The following SIAH3 variants were observed in gnomAD, a reference collection of about 807,000 sequenced individuals.
The protein encoded by SIAH3 is siah E3 ubiquitin protein ligase family member 3, also known as seven in absentia homolog 3.
Under a neutral mutation model 12.6 loss-of-function variants are expected in SIAH3, and 9 were observed. That is an observed-to-expected ratio of 0.72 (90% CI 0.43 to 1.25). The LOEUF (loss-of-function observed/expected upper bound fraction) is 1.25. Ranked by LOEUF, SIAH3 falls within the 50% of genes most tolerant of loss-of-function variation. SIAH3 has a pLI of 0.00. For missense variants in SIAH3, 390 were observed against 365.4 expected, an observed-to-expected ratio of 1.07 and a Z score of -0.55; for synonymous variants, 154 against 151.1, an observed-to-expected ratio of 1.02 and a Z score of -0.14.
At chr13:45,838,344 G>A (rs1241276778) in intron 1 of SIAH3, among the ~76,000 whole-genome samples, 6 of 152,246 alleles carry the variant, frequency 3.9e-5, no homozygotes, top group South Asian at 2.1e-4. Context: ...AGAGCAGCGC[G>A]TTTCTGGCAT....
At position 45,779,780 on chromosome 13, in the gene SIAH3, T is replaced by TA. The variant is rs1950496966; in HGVS notation, c.*3602dup. 6.6e-6 allele frequency: 1 copy of TA among 152,270 alleles called. No homozygotes were observed. The highest frequency in any genetic ancestry group is 2.4e-5 in the African/African-American group (1 of 41,462). 9.4% of individuals were successfully genotyped at this position (152,270 alleles called of 1,614,324 possible). On this transcript the variant is annotated 3_prime_UTR_variant, in exon 2 of 2. Transcript: ENST00000400405. ...TGGTAGCCATGAGTACTATTATGGT[T>TA]ACTATGCTGATCTATTCCTAAAATG...
chr13:45,851,450 A>T, intron 1 of SIAH3, 45 bp downstream of exon 1: 1 of 1,611,006 alleles, frequency 6.2e-7, no homozygotes, highest in South Asian at 1.1e-5. Context: ...CCGAGAAAGG[A>T]CTTGAACCTG....
At chr13:45,847,806 A>T (rs1445105078) in intron 1 of SIAH3, among the ~76,000 whole-genome samples, 1 of 152,098 alleles carries the variant, frequency 6.6e-6, no homozygotes, top group Non-Finnish European at 1.5e-5. Context: ...TGTGGTTAAG[A>T]GGAGGAAGTC....
chr13:45,826,409 A>AGTGGCTGGG (rs1458146765), intron 1 of SIAH3, among the ~76,000 whole-genome samples: 4,070 of 86,896 alleles, frequency 0.047, 1,406 homozygotes, highest in Middle Eastern at 0.15. Flanking sequence ...GGATGGATGG[A>AGTGGCTGGG]TGGATGGATG....
chr13:45,813,171 C>T (rs909199311), intron 1 of SIAH3, among the ~76,000 whole-genome samples: 14 of 151,884 alleles, frequency 9.2e-5, no homozygotes, highest in Non-Finnish European at 1.6e-4. Context: ...GTCCCAGACC[C>T]GGTGGGAACA....
rs1950675833 is a variant in SIAH3, at chr13:45,826,394, T to TGGATGGGTGAGTGGCTGGGTGGATGGAG, written c.135+25100_135+25101insCTCCATCCACCCAGCCACTCACCCATCC. On this transcript the variant is annotated intron_variant, in intron 1 of 1. Coordinates refer to ENST00000400405, the MANE Select transcript of SIAH3 (RefSeq NM_198849.3). ...ATGGATGAATGAATGGATGGATGGATGGATGGATGGATGGATGGATGGATG... is the reference window on the plus strand; with the variant it reads ...ATGGATGAATGAATGGATGGATGGATGGATGGGTGAGTGGCTGGGTGGATGGAGGGATGGATGGATGGATGGATGGATG... 2.3e-5 allele frequency among the ~76,000 whole-genome samples: 2 copies of TGGATGGGTGAGTGGCTGGGTGGATGGAG among 87,224 alleles called. 1 individual carries two copies. The highest frequency in any genetic ancestry group is 9.8e-5 in the African/African-American group (2 of 20,460). The allele number at this position is 87,224 out of a possible 152,430, so 57.2% of individuals were successfully genotyped here.
chr13:45,830,933 C>A (rs1388333064), intron 1 of SIAH3, among the ~76,000 whole-genome samples: 2 of 152,136 alleles, frequency 1.3e-5, no homozygotes, highest in Non-Finnish European at 2.9e-5. Context: ...AATCCCAGCA[C>A]TTTGGGAGGC....
chr13:45,820,752 C>T (rs1950652931), intron 1 of SIAH3, among the ~76,000 whole-genome samples: 1 of 152,142 alleles, frequency 6.6e-6, no homozygotes, highest in South Asian at 2.1e-4. Context: ...TTCTCTTTCC[C>T]CTCCTCTCCC....
At chr13:45,837,342 T>G (rs745513229) in intron 1 of SIAH3, among the ~76,000 whole-genome samples, 1 of 152,168 alleles carries the variant, frequency 6.6e-6, no homozygotes, top group Non-Finnish European at 1.5e-5. Flanking sequence ...TTTCCTAATT[T>G]CAAACTCTTT....
chr13:45,828,965 A>G (rs944039589), intron 1 of SIAH3, among the ~76,000 whole-genome samples: 7 of 152,102 alleles, frequency 4.6e-5, no homozygotes, highest in African/African-American at 1.7e-4. Context: ...GAAAAACTGC[A>G]TTTAAAAAAA....
Position 45,783,979 on chromosome 13 carries a change from G to A in SIAH3, c.214C>T (p.His72Tyr), listed in dbSNP as rs751758471. ...TGGTGGTGGTGGCGGTGGTGGCAGT[G>A]GTGGTGGGAGAGATGGTGAGGGTGG... The part of the protein sequence containing the change: ...SFHPHHLSHH[H>Y]CHHRHHHHLR... The change falls in exon 2 of 2, where the codon CAC (histidine) becomes TAC (tyrosine). Residue 72 changes from histidine (H) to tyrosine (Y), a missense_variant. Physicochemically the swap from His to Tyr is moderately conservative, Grantham distance 83 (BLOSUM62 2). Transcript: ENST00000400405. 6 of 1,606,286 alleles carry A rather than the reference G, an allele frequency of 3.7e-6. No homozygotes were observed. Among genetic ancestry groups the A allele is most frequent in the East Asian group, 2.2e-5 (1 of 44,866 alleles).
rs1218298159 is a variant in SIAH3, at chr13:45,788,166, T to A, written c.136-4109A>T. 3.3e-5 allele frequency among the ~76,000 whole-genome samples: 5 copies of A among 152,230 alleles called. No homozygotes were observed. In the South Asian group the frequency reaches 1.0e-3, roughly 32 times the overall value. On this transcript the variant is annotated intron_variant, in intron 1 of 1. Transcript: ENST00000400405. Reference sequence around the variant, plus strand: ...TAATTTTTTATTTCTTCCTGCTCCATCTTCTGATGCAAAATATATTTCATT... The same window carrying A: ...TAATTTTTTATTTCTTCCTGCTCCAACTTCTGATGCAAAATATATTTCATT...
At chr13:45,790,324 G>T (rs946394097) in intron 1 of SIAH3, among the ~76,000 whole-genome samples, 6 of 152,100 alleles carry the variant, frequency 3.9e-5, no homozygotes, top group African/African-American at 1.2e-4. Context: ...TTCAAACCAA[G>T]ATCTATGGGT....
intron 1 of SIAH3, among the ~76,000 whole-genome samples, chr13:45,820,272 C>T (rs182009174): frequency 2.0e-5 from 3 of 152,258 alleles, no homozygotes; most frequent in East Asian, 1.9e-4. Context: ...CAAGAAGCTC[C>T]GTTGGCCGGG....
chr13:45,836,529 A>T (rs918988295), intron 1 of SIAH3, among the ~76,000 whole-genome samples: 2 of 152,210 alleles, frequency 1.3e-5, no homozygotes, highest in East Asian at 3.8e-4. Flanking sequence ...AGAAAACCAA[A>T]TACAGCATGT....
At chr13:45,831,958 T>C (rs1245875313) in intron 1 of SIAH3, among the ~76,000 whole-genome samples, 1 of 152,126 alleles carries the variant, frequency 6.6e-6, no homozygotes, top group Non-Finnish European at 1.5e-5. Flanking sequence ...GAATCCCACC[T>C]TGGTTGGTTG....
intron 1 of SIAH3, among the ~76,000 whole-genome samples, chr13:45,830,880 T>A (rs1950696197): frequency 6.6e-6 from 1 of 152,004 alleles, no homozygotes; most frequent in African/African-American, 2.4e-5. Flanking sequence ...CAGAATAAGT[T>A]AAGAATGGTC....
chr13:45,814,969 T>G (rs1366336329), intron 1 of SIAH3, among the ~76,000 whole-genome samples: 1 of 152,088 alleles, frequency 6.6e-6, no homozygotes, highest in East Asian at 1.9e-4. Context: ...GTGATCTGCC[T>G]GCCTTGGCCT....
chr13:45,831,128 G>A (rs7322903), intron 1 of SIAH3, among the ~76,000 whole-genome samples: 17,588 of 151,668 alleles, frequency 0.12, 1,402 homozygotes, highest in East Asian at 0.36. Context: ...GCAGTGAGCC[G>A]AGATCGGGCC....
Sources: allele counts gnomAD v4.1 joint callset (sites outside exome capture counted in the v4.1 genomes callset), GRCh38; gene constraint gnomAD v4.1.1; transcripts MANE v1.5; gene names NCBI Gene and HGNC (gene_info 2026-07-23, HGNC 2026-07-21).